MAP3K2: variants seen among roughly 807,000 people sequenced by gnomAD.
MAP3K2 encodes MAP/ERK kinase kinase 2.
MAP3K2 carries 24 observed loss-of-function variants against 80.3 expected under a neutral mutation model. That is an observed-to-expected ratio of 0.30 (90% CI 0.22 to 0.42). MAP3K2 has a LOEUF of 0.42. MAP3K2 is among the 10% of genes least tolerant of loss of function. MAP3K2 has a pLI of 1.00. For missense variants in MAP3K2, 608 were observed against 750.1 expected (o/e 0.81, Z 2.21); for synonymous variants, 244 against 253.7 (o/e 0.96, Z 0.36).
At position 127,308,672 on chromosome 2, in the gene MAP3K2, G is replaced by C; in HGVS notation, c.1547C>G (p.Thr516Arg). 1 of 1,613,858 alleles carries C rather than the reference G, an allele frequency of 6.2e-7. No homozygotes were observed. The highest frequency in any genetic ancestry group is 8.5e-7 in the Non-Finnish European group (1 of 1,179,838). ...KRLQTICLSG[T>R]GMKSVTGTPY... ...TGTGCCCGTGACAGACTTCATTCCTGTCCCTGAGAGACAGATGGTCTGAAG... is the reference window on the plus strand; with the variant it reads ...TGTGCCCGTGACAGACTTCATTCCTCTCCCTGAGAGACAGATGGTCTGAAG... The change falls in exon 16 of 17, where the codon ACA becomes AGA. Residue 516 changes from threonine to arginine, a missense_variant. By Grantham distance (71) the Thr-to-Arg change is moderately conservative. This residue lies in a region of MAP3K2 where 88 missense variants were observed against 132.4 expected (regional missense o/e 0.66). Coordinates refer to ENST00000682094, the MANE Select transcript of MAP3K2 (RefSeq NM_001371910.2).
At position 127,387,766 on chromosome 2, in the gene MAP3K2, A is replaced by C; in HGVS notation, c.-380T>G. ...GCCCGCGGGAACTGGGCAGGAAAGG[A>C]GGAAGCCGCGGGCCCGCGTCGCTAG... On this transcript the variant is annotated 5_prime_UTR_variant, in exon 1 of 17. Coordinates refer to ENST00000682094, the MANE Select transcript of MAP3K2 (RefSeq NM_001371910.2). The C allele has an allele frequency of 1.0e-6, 1 of 984,996 alleles. No homozygotes were observed. The highest frequency in any genetic ancestry group is 1.2e-6 in the Non-Finnish European group (1 of 829,744). The allele number at this position is 984,996 out of a possible 1,614,324, so 61.0% of individuals were successfully genotyped here.
chr2:127,318,006 T>C, intron 13 of MAP3K2, among the ~76,000 whole-genome samples, 163 bp downstream of exon 13: 1 of 148,986 alleles, frequency 6.7e-6, no homozygotes. Context: ...TAGACAAACA[T>C]ATCTAATCTG....
chr2:127,304,018 T>C lies in MAP3K2; in HGVS notation c.*3561A>G, dbSNP rs966945813. 5 of 152,198 alleles carry C rather than the reference T, an allele frequency of 3.3e-5. No individual in the cohort carries two copies. The highest frequency in any genetic ancestry group is 1.2e-4 in the African/African-American group (5 of 41,462). 9.4% of individuals were successfully genotyped at this position (152,198 alleles called of 1,614,324 possible). A position where few individuals can be genotyped will look rare whatever the true frequency, so the allele number is the denominator to read the frequency against. On this transcript the variant is annotated 3_prime_UTR_variant, in exon 17 of 17. Coordinates refer to ENST00000682094, the MANE Select transcript of MAP3K2 (RefSeq NM_001371910.2). ...TAAAGAAATAGTTTCATCTTTTTAA[T>C]GCAGTTTCTTTGGGAATAAGGTAAA...
In MAP3K2 at chr2:127,304,678, TATC is replaced by T. The variant is rs1250459490; in HGVS notation, c.*2898_*2900del. On this transcript the variant is annotated 3_prime_UTR_variant, in exon 17 of 17. Coordinates refer to ENST00000682094, the MANE Select transcript of MAP3K2 (RefSeq NM_001371910.2). Reference sequence around the variant, plus strand: ...AGTTCAAATTGCATTTGTTGATCCATATCATTATTAGAAAGAAGAAAAAAACGG... The same window carrying T: ...AGTTCAAATTGCATTTGTTGATCCATATTATTAGAAAGAAGAAAAAAACGG... 6.6e-6 allele frequency: 1 copy of T among 152,574 alleles called. No homozygotes were observed. Among genetic ancestry groups the T allele is most frequent in the Admixed American group, 6.6e-5 (1 of 15,246 alleles). The allele number at this position is 152,574 out of a possible 1,614,324, so 9.5% of individuals were successfully genotyped here.
Position 127,310,225 on chromosome 2 carries a change from T to G in MAP3K2, c.1457-1463A>C, listed in dbSNP as rs1685784368. Among the ~76,000 whole-genome samples the G allele has an allele frequency of 6.6e-6, 1 of 152,208 alleles. No individual in the cohort carries two copies. The highest frequency in any genetic ancestry group is 2.4e-5 in the African/African-American group (1 of 41,448). Reference sequence around the variant, plus strand: ...CATCATTGTATCCTTGGCTTTTGTTTTGGAGCACTTTCTTGCTTTCTGGCA... The same window carrying G: ...CATCATTGTATCCTTGGCTTTTGTTGTGGAGCACTTTCTTGCTTTCTGGCA... On this transcript the variant is annotated intron_variant, in intron 15 of 16. Transcript: ENST00000682094. The surrounding 1 kb of genome is among the most constrained non-coding windows in gnomAD (Gnocchi z 4.8).
chr2:127,384,580 G>A (rs775282730), intron 1 of MAP3K2, among the ~76,000 whole-genome samples: 3 of 152,172 alleles, frequency 2.0e-5, no homozygotes, highest in East Asian at 1.9e-4. Flanking sequence ...TAGATGTGAC[G>A]GAAAGAGCAA....
chr2:127,327,331 G>A lies in MAP3K2; in HGVS notation c.467-514C>T, dbSNP rs563751224. Among the ~76,000 whole-genome samples the A allele has an allele frequency of 2.6e-5, 4 of 152,250 alleles. No individual in the cohort carries two copies. The South Asian group carries it at 8.3e-4, about 32-fold the overall frequency. ...TCATTGTGAGTATATGCAAGCATTT[G>A]TTAGTGAGACAGGGAGGAAAAAGAA... On this transcript the variant is annotated intron_variant, in intron 7 of 16. Transcript: ENST00000682094.
Position 127,345,466 on chromosome 2 carries a change from A to AT in MAP3K2, c.-65-2273dup, listed in dbSNP as rs542446332. Among the ~76,000 whole-genome samples the AT allele has an allele frequency of 1.5e-3, 231 of 152,386 alleles. 4 individuals carry two copies. The highest frequency in any genetic ancestry group is 0.014 in the South Asian group (68 of 4,828). On this transcript the variant is annotated intron_variant, in intron 1 of 16. Coordinates refer to ENST00000682094, the MANE Select transcript of MAP3K2 (RefSeq NM_001371910.2). The stretch of plus-strand genomic sequence containing the variant: ...TGCCCTGCGTTCAATAACGGATAAA[A>AT]TAAGTAGACAGAAAATCAATGAGGA...
rs369335226 is a variant in MAP3K2 at position 127,324,008 on chromosome 2, T to C, written c.746-14A>G. On this transcript the variant is annotated splice_polypyrimidine_tract_variant and intron_variant, in intron 10 of 16. Transcript: ENST00000682094. ...GGTTATCATAGTCTGTTAAGACATA[T>C]AAGATGGTTATCTTTTATTTAAAAA... 9.6e-5 allele frequency: 120 copies of C among 1,248,262 alleles called. No homozygotes were observed. Among genetic ancestry groups the C allele is most frequent in the Non-Finnish European group, 1.3e-4 (115 of 888,240 alleles). 77.3% of individuals were successfully genotyped at this position (1,248,262 alleles called of 1,614,324 possible). A position where few individuals can be genotyped will look rare whatever the true frequency, so the allele number is the denominator to read the frequency against.
At chr2:127,314,698 TCATTCA>T (rs1685867795) in intron 15 of MAP3K2, 50 bp downstream of exon 15, 2 of 1,352,760 alleles carry the variant, frequency 1.5e-6, no homozygotes, top group Admixed American at 4.0e-5. Context: ...ATCACTTGTT[TCATTCA>T]CATTCACTAA....
upstream of MAP3K2, chr2:127,388,320 C>T (rs1260555595): frequency 9.1e-6 from 9 of 985,382 alleles, no homozygotes; most frequent in African/African-American, 1.0e-4. Flanking sequence ...AGGTCTCCCA[C>T]GTGGGCTGTG....
chr2:127,312,891 T>TG (rs1424798952), intron 15 of MAP3K2, among the ~76,000 whole-genome samples: 1 of 148,802 alleles, frequency 6.7e-6, no homozygotes, highest in Non-Finnish European at 1.5e-5. Flanking sequence ...GAACCCAGGG[T>TG]GGGGGCGGAG....
At chr2:127,387,344 C>T (rs1687373967) in intron 1 of MAP3K2, 108 bp downstream of exon 1, 3 of 318,844 alleles carry the variant, frequency 9.4e-6, no homozygotes, top group South Asian at 2.4e-4. Flanking sequence ...GGCGCTTAGG[C>T]CGCCGCCAGC....
intron 1 of MAP3K2, among the ~76,000 whole-genome samples, chr2:127,356,912 A>T (rs913343592): frequency 1.3e-5 from 2 of 152,246 alleles, no homozygotes; most frequent in Non-Finnish European, 2.9e-5. Flanking sequence ...TCTACACAAA[A>T]GAAATAATCA....
chr2:127,362,725 G>A (rs907003168), intron 1 of MAP3K2, among the ~76,000 whole-genome samples: 14 of 152,142 alleles, frequency 9.2e-5, no homozygotes, highest in Admixed American at 2.6e-4. Flanking sequence ...TCAGTGCCAC[G>A]GTTCCTCTGT....
chr2:127,385,391 T>G (rs1232244347), intron 1 of MAP3K2, among the ~76,000 whole-genome samples: 1 of 152,210 alleles, frequency 6.6e-6, no homozygotes, highest in Admixed American at 6.5e-5. Flanking sequence ...ATAAATAATT[T>G]TTTAATTAAG....
intron 14 of MAP3K2, among the ~76,000 whole-genome samples, chr2:127,316,602 G>T (rs75122515): frequency 0.017 from 2,539 of 152,282 alleles, 73 homozygotes; most frequent in African/African-American, 0.057. Flanking sequence ...ATGTGCCACT[G>T]CTATACCTCA....
chr2:127,335,183 C>T (rs1321067571), intron 5 of MAP3K2, among the ~76,000 whole-genome samples: 1 of 152,140 alleles, frequency 6.6e-6, no homozygotes, highest in East Asian at 1.9e-4. Flanking sequence ...CAACTTATAA[C>T]TTATAGCATT....
chr2:127,388,243 C>A, upstream of MAP3K2: 1 of 974,412 alleles, frequency 1.0e-6, no homozygotes, highest in Non-Finnish European at 1.2e-6. Context: ...GCGGCGCATA[C>A]GCACCTGGGT....
Sources: allele counts gnomAD v4.1 joint callset (sites outside exome capture counted in the v4.1 genomes callset), GRCh38; gene constraint gnomAD v4.1.1; regional missense constraint gnomAD v4.1.1; non-coding constraint Gnocchi (gnomAD v3.1); transcripts MANE v1.5; gene names NCBI Gene and HGNC (gene_info 2026-07-23, HGNC 2026-07-21).